COL23A1: variants seen among roughly 807,000 people sequenced by gnomAD.
COL23A1 encodes collagen alpha-1(XXIII) chain.
In COL23A1, 97 loss-of-function variants were observed where a neutral mutation model predicts 99.3. The ratio of observed to expected loss-of-function variants is 0.98; its 90% confidence interval spans 0.83 to 1.16. The LOEUF (loss-of-function observed/expected upper bound fraction) is 1.16, where lower values mean the gene tolerates loss of function less well. Among genes scored for constraint, COL23A1 ranks in the 50% most tolerant of loss-of-function variants. The pLI, the probability that COL23A1 is intolerant of heterozygous loss-of-function variation, is 0.00. For missense variants in COL23A1, 762 were observed against 757.4 expected (o/e 1.01, Z -0.07); for synonymous variants, 320 against 308.2 (o/e 1.04, Z -0.40).
intron 5 of COL23A1, among the ~76,000 whole-genome samples, chr5:178,274,321 G>A (rs1049529020): frequency 1.3e-5 from 2 of 152,216 alleles, no homozygotes; most frequent in Non-Finnish European, 2.9e-5. Context: ...GGCTGAGCCT[G>A]GCTCTGGGTG....
intron 3 of COL23A1, among the ~76,000 whole-genome samples, chr5:178,293,862 G>A (rs1757590132): frequency 1.3e-5 from 2 of 152,164 alleles, no homozygotes; most frequent in South Asian, 2.1e-4. Flanking sequence ...GACCTCTGGA[G>A]GGACAGGCTG....
At chr5:178,288,020 C>A in intron 5 of COL23A1, among the ~76,000 whole-genome samples, 1 of 152,198 alleles carries the variant, frequency 6.6e-6, no homozygotes, top group East Asian at 1.9e-4. Context: ...TCCAGTGGAG[C>A]ACGCCACAGT....
rs554883960 is a variant in COL23A1, at chr5:178,420,964, T to TG, written c.362-114046dup. Reference sequence around the variant, plus strand: ...AAACAGAATGTCTCCCTCCCTGGCGTGGGGGGGTCACAGGATCCCAACCCC... The same window carrying TG: ...AAACAGAATGTCTCCCTCCCTGGCGTGGGGGGGGTCACAGGATCCCAACCCC... On this transcript the variant is annotated intron_variant, in intron 2 of 28. Coordinates refer to ENST00000390654, the MANE Select transcript of COL23A1 (RefSeq NM_173465.4). Among the ~76,000 whole-genome samples the TG allele has an allele frequency of 9.3e-3, 1,410 of 151,854 alleles. 9 individuals carry two copies. The highest frequency in any genetic ancestry group is 0.014 in the Non-Finnish European group (974 of 67,938).
At chr5:178,510,473 G>A (rs758136078) in intron 2 of COL23A1, among the ~76,000 whole-genome samples, 9 of 152,110 alleles carry the variant, frequency 5.9e-5, no homozygotes, top group South Asian at 2.1e-4. Flanking sequence ...ACCAGGAGGC[G>A]GAGGTTGCAG....
intron 2 of COL23A1, among the ~76,000 whole-genome samples, chr5:178,334,317 G>A (rs2973678): frequency 0.48 from 72,261 of 151,992 alleles, 18,075 homozygotes; most frequent in East Asian, 0.81. Flanking sequence ...CTCATGACGT[G>A]CCCAAAGCAC....
intron 2 of COL23A1, among the ~76,000 whole-genome samples, chr5:178,514,271 T>A (rs989047629): frequency 2.6e-5 from 4 of 152,220 alleles, no homozygotes; most frequent in Non-Finnish European, 5.9e-5. Flanking sequence ...CACTATTCCA[T>A]TGTCTGAATA....
rs115381898 is a variant in COL23A1 at position 178,356,345 on chromosome 5, C to T, written c.362-49426G>A. Among the ~76,000 whole-genome samples the T allele has an allele frequency of 3.3e-3, 506 of 151,796 alleles. 2 individuals carry two copies. Among genetic ancestry groups the T allele is most frequent in the African/African-American group, 0.012 (481 of 41,310 alleles). ...GTGCACTTTAAACAGCTGGAGTCTGCGGTCTGTGAACTGTATATCAATAAA... is the reference window on the plus strand; with the variant it reads ...GTGCACTTTAAACAGCTGGAGTCTGTGGTCTGTGAACTGTATATCAATAAA... On this transcript the variant is annotated intron_variant, in intron 2 of 28. Coordinates refer to ENST00000390654, the MANE Select transcript of COL23A1 (RefSeq NM_173465.4).
chr5:178,562,176 A>T, intron 1 of COL23A1: 2 of 448,932 alleles, frequency 4.5e-6, no homozygotes, highest in East Asian at 6.8e-5. Context: ...CGAGAGGCGG[A>T]GGTTGCAGTG....
At chr5:178,410,352 G>A (rs1764995787) in intron 2 of COL23A1, among the ~76,000 whole-genome samples, 1 of 152,126 alleles carries the variant, frequency 6.6e-6, no homozygotes, top group African/African-American at 2.4e-5. Context: ...CACCTTTTCT[G>A]CAAAAATGGA....
chr5:178,587,016 T>G (rs142526062), intron 1 of COL23A1, among the ~76,000 whole-genome samples: 1 of 152,256 alleles, frequency 6.6e-6, no homozygotes, highest in Non-Finnish European at 1.5e-5. Flanking sequence ...TAAGCTGGCA[T>G]GGTCTCCTCT....
At chr5:178,527,678 G>A (rs1760387307) in intron 2 of COL23A1, among the ~76,000 whole-genome samples, 1 of 152,214 alleles carries the variant, frequency 6.6e-6, no homozygotes, top group Non-Finnish European at 1.5e-5. Flanking sequence ...ACCTCAGTCA[G>A]CCCTGAGTGC....
intron 2 of COL23A1, among the ~76,000 whole-genome samples, chr5:178,517,380 C>T (rs1759579635): frequency 6.6e-6 from 1 of 152,098 alleles, no homozygotes; most frequent in Non-Finnish European, 1.5e-5. Context: ...TCTGTCTATA[C>T]ACGGGCACTG....
At chr5:178,352,589 C>G (rs1379711155) in intron 2 of COL23A1, among the ~76,000 whole-genome samples, 1 of 152,214 alleles carries the variant, frequency 6.6e-6, no homozygotes, top group Non-Finnish European at 1.5e-5. Context: ...ACAGCAAAGA[C>G]AAACCTCTTT....
chr5:178,301,589 G>A (rs1240539451), intron 3 of COL23A1, among the ~76,000 whole-genome samples: 2 of 152,198 alleles, frequency 1.3e-5, no homozygotes, highest in Non-Finnish European at 2.9e-5. Context: ...TGTTGTTGTT[G>A]CTGTTTATTG....
rs1040994766 is a variant in COL23A1, at chr5:178,415,400, C to G, written c.362-108481G>C. Among the ~76,000 whole-genome samples, 7 of 152,164 alleles carry G rather than the reference C, an allele frequency of 4.6e-5. No individual in the cohort carries two copies. The highest frequency in any genetic ancestry group is 1.9e-4 in the East Asian group (1 of 5,174). ...AACGTCTAAAAACCGTCCTGCCCCCCACCCTCAGTGCACAGGCTGTGGCCT... is the reference window on the plus strand; with the variant it reads ...AACGTCTAAAAACCGTCCTGCCCCCGACCCTCAGTGCACAGGCTGTGGCCT... On this transcript the variant is annotated intron_variant, in intron 2 of 28. Transcript: ENST00000390654. This position sits in a 1 kb window ranked among gnomAD's most constrained non-coding sequence, Gnocchi z 4.6.
In COL23A1 at chr5:178,343,184, T is replaced by C. The variant is rs73346846; in HGVS notation, c.362-36265A>G. On this transcript the variant is annotated intron_variant, in intron 2 of 28. Transcript: ENST00000390654. The stretch of plus-strand genomic sequence containing the variant: ...GTGGGAAACACTCAGGACCAGCACA[T>C]GGTTCAAGACATGAGAAGATCAAAG... 5.8e-3 allele frequency among the ~76,000 whole-genome samples: 877 copies of C among 152,216 alleles called. 5 individuals carry two copies. Among genetic ancestry groups the C allele is most frequent in the African/African-American group, 0.02 (837 of 41,504 alleles).
intron 2 of COL23A1, among the ~76,000 whole-genome samples, chr5:178,560,459 T>A (rs1337407368): frequency 6.6e-6 from 1 of 152,114 alleles, no homozygotes; most frequent in African/African-American, 2.4e-5. Context: ...GACAATGTCT[T>A]AGCTCCTCCA....
Position 178,311,727 on chromosome 5 carries a change from TGTTTTG to T in COL23A1, c.362-4814_362-4809del, listed in dbSNP as rs760235085. 1.7e-3 allele frequency among the ~76,000 whole-genome samples: 202 copies of T among 121,720 alleles called. 20 individuals are homozygous for T. The highest frequency in any genetic ancestry group is 2.7e-3 in the African/African-American group (79 of 29,552). 79.9% of individuals were successfully genotyped at this position (121,720 alleles called of 152,430 possible). ...GCCACTGTGTAACTGTTTTTTGTTT[TGTTTTG>T]TTTTGTTTTTTTTTTGAGACGGAGT... On this transcript the variant is annotated intron_variant, in intron 2 of 28. Transcript: ENST00000390654.
At chr5:178,358,651 T>C (rs1012240116) in intron 2 of COL23A1, among the ~76,000 whole-genome samples, 1 of 144,696 alleles carries the variant, frequency 6.9e-6, no homozygotes, top group African/African-American at 2.7e-5. Context: ...TGTGTGTATG[T>C]GTACGTGTGT....
Sources: allele counts gnomAD v4.1 joint callset (sites outside exome capture counted in the v4.1 genomes callset), GRCh38; gene constraint gnomAD v4.1.1; non-coding constraint Gnocchi (gnomAD v3.1); transcripts MANE v1.5; gene names NCBI Gene and HGNC (gene_info 2026-07-23, HGNC 2026-07-21).